MBNL1: variants seen among roughly 807,000 people sequenced by gnomAD.
The protein encoded by MBNL1 is muscleblind like splicing regulator 1.
A neutral mutation model predicts 42.2 loss-of-function variants in MBNL1; 8 were observed. That is an observed-to-expected ratio of 0.19 (90% CI 0.11 to 0.34). The LOEUF is 0.34. Ranked by LOEUF, MBNL1 falls within the 10% of genes least tolerant of loss-of-function variation. The pLI is 1.00. For missense variants in MBNL1, 309 were observed against 495.3 expected, an observed-to-expected ratio of 0.62 and a Z score of 3.57; for synonymous variants, 169 against 173.9, an observed-to-expected ratio of 0.97 and a Z score of 0.22.
At chr3:152,309,510 G>A (rs192412719) in intron 2 of MBNL1, among the ~76,000 whole-genome samples, 201 of 152,286 alleles carry the variant, frequency 1.3e-3, no homozygotes, top group Admixed American at 4.4e-3. Flanking sequence ...CTGGATCTCA[G>A]AATCACTTAT....
At chr3:152,356,856 A>AGTGTGTGTATGT (rs2095557052) in intron 2 of MBNL1, among the ~76,000 whole-genome samples, 1 of 149,382 alleles carries the variant, frequency 6.7e-6, no homozygotes, top group Admixed American at 6.7e-5. Flanking sequence ...ATATGTGTGT[A>AGTGTGTGTATGT]GTGTGTGTGT....
chr3:152,364,286 G>A (rs369347201), intron 2 of MBNL1, among the ~76,000 whole-genome samples: 4 of 152,046 alleles, frequency 2.6e-5, no homozygotes, highest in African/African-American at 9.7e-5. Context: ...TGTACACAAT[G>A]TAGCTATAGT....
chr3:152,375,211 A>G (rs898050837), intron 2 of MBNL1, among the ~76,000 whole-genome samples: 2 of 152,214 alleles, frequency 1.3e-5, no homozygotes, highest in Non-Finnish European at 2.9e-5. Flanking sequence ...GGGTTTGCCC[A>G]AAAGAAATTT....
chr3:152,305,732 G>T (rs778172920), intron 2 of MBNL1, among the ~76,000 whole-genome samples: 3 of 152,142 alleles, frequency 2.0e-5, no homozygotes, highest in Non-Finnish European at 4.4e-5. Context: ...AGATTATTAG[G>T]ATAGTAATTT....
At chr3:152,380,507 C>T (rs1177919036) in intron 2 of MBNL1, among the ~76,000 whole-genome samples, 2 of 151,814 alleles carry the variant, frequency 1.3e-5, no homozygotes, top group Non-Finnish European at 2.9e-5. Flanking sequence ...AGATGTAAGC[C>T]CCTAAAGAGG....
At chr3:152,403,329 C>T (rs1305264684) in intron 2 of MBNL1, among the ~76,000 whole-genome samples, 1 of 152,142 alleles carries the variant, frequency 6.6e-6, no homozygotes, top group Non-Finnish European at 1.5e-5. Context: ...GAACAGAGCA[C>T]CTTGTGATGA....
chr3:152,462,172 G>C (rs1000722977), intron 9 of MBNL1, among the ~76,000 whole-genome samples: 1 of 152,042 alleles, frequency 6.6e-6, no homozygotes, highest in African/African-American at 2.4e-5. Context: ...ACATTCTACA[G>C]TTTTATTAAA....
chr3:152,270,822 T>A (rs1576898032), intron 1 of MBNL1, among the ~76,000 whole-genome samples: 1 of 152,316 alleles, frequency 6.6e-6, no homozygotes, highest in South Asian at 2.1e-4. Flanking sequence ...TATTGTTAGG[T>A]CTTCTTTGAA....
At chr3:152,436,566 A>G (rs1367996391) in intron 4 of MBNL1, among the ~76,000 whole-genome samples, 1 of 152,160 alleles carries the variant, frequency 6.6e-6, no homozygotes, top group African/African-American at 2.4e-5. Flanking sequence ...CTTAATGCAT[A>G]ATTGTTGATT....
At chr3:152,282,096 C>G (rs2048837815) in intron 1 of MBNL1, among the ~76,000 whole-genome samples, 1 of 152,070 alleles carries the variant, frequency 6.6e-6, no homozygotes, top group South Asian at 2.1e-4. Context: ...CCAACTAATG[C>G]GTTAGTTGAC....
intron 3 of MBNL1, among the ~76,000 whole-genome samples, chr3:152,431,790 G>C (rs1220674455): frequency 6.6e-6 from 1 of 152,212 alleles, no homozygotes; most frequent in Admixed American, 6.5e-5. Flanking sequence ...AATAAGGTAT[G>C]AAATTGTGTT....
intron 2 of MBNL1, among the ~76,000 whole-genome samples, chr3:152,319,512 C>G (rs1387516553): frequency 2.0e-5 from 3 of 151,728 alleles, no homozygotes; most frequent in African/African-American, 7.2e-5. Context: ...GCATCATTGA[C>G]ACACCTGACA....
At chr3:152,410,906 G>C (rs1034472607) in intron 2 of MBNL1, among the ~76,000 whole-genome samples, 1 of 152,192 alleles carries the variant, frequency 6.6e-6, no homozygotes, top group South Asian at 2.1e-4. Flanking sequence ...TTTTTAGAGC[G>C]TTTAACAGAT....
chr3:152,264,468 T>A (rs1381205653), upstream of MBNL1: 3 of 152,114 alleles, frequency 2.0e-5, no homozygotes, highest in Non-Finnish European at 4.4e-5. Context: ...GGGAAACTGT[T>A]AGGCCTATTT....
In MBNL1 at chr3:152,384,932, G is replaced by A. The variant is rs547861514; in HGVS notation, c.175-30009G>A. On this transcript the variant is annotated intron_variant, in intron 2 of 9. Coordinates refer to ENST00000324210, the MANE Select transcript of MBNL1 (RefSeq NM_021038.5). ...TTGATTCCTCAATGGAAATGTTCCCGTAAAGCTTATTCAGATAATTATTAT... is the reference window on the plus strand; with the variant it reads ...TTGATTCCTCAATGGAAATGTTCCCATAAAGCTTATTCAGATAATTATTAT... Among the ~76,000 whole-genome samples the A allele has an allele frequency of 3.8e-4, 58 of 152,096 alleles. 1 individual carries two copies. Among genetic ancestry groups the A allele is most frequent in the African/African-American group, 1.2e-3 (51 of 41,538 alleles).
intron 2 of MBNL1, among the ~76,000 whole-genome samples, chr3:152,313,627 C>G (rs1301268126): frequency 6.6e-6 from 1 of 152,208 alleles, no homozygotes; most frequent in Non-Finnish European, 1.5e-5. Flanking sequence ...AGAGTTCAGT[C>G]TAAGTTATCT....
Position 152,299,530 on chromosome 3 carries a change from A to G in MBNL1, c.-664A>G, listed in dbSNP as rs2151469696. On this transcript the variant is annotated 5_prime_UTR_variant, in exon 2 of 10. Coordinates refer to ENST00000324210, the MANE Select transcript of MBNL1 (RefSeq NM_021038.5). ...GACAGCACATCCACCCTCCACCTCTAGCCCAGACACCCCCATTTCTACTTA... is the reference window on the plus strand; with the variant it reads ...GACAGCACATCCACCCTCCACCTCTGGCCCAGACACCCCCATTTCTACTTA... 2.5e-6 allele frequency: 1 copy of G among 393,214 alleles called. No homozygotes were observed. The highest frequency in any genetic ancestry group is 4.4e-5 in the Admixed American group (1 of 22,554). The allele number at this position is 393,214 out of a possible 1,614,324, so 24.4% of individuals were successfully genotyped here. A position where few individuals can be genotyped will look rare whatever the true frequency, so the allele number is the denominator to read the frequency against.
chr3:152,394,699 A>G lies in MBNL1; in HGVS notation c.175-20242A>G, dbSNP rs527719969. 5.0e-4 allele frequency among the ~76,000 whole-genome samples: 76 copies of G among 152,330 alleles called. 1 individual carries two copies. Among genetic ancestry groups the G allele is most frequent in the African/African-American group, 1.8e-3 (75 of 41,582 alleles). On this transcript the variant is annotated intron_variant, in intron 2 of 9. Coordinates refer to ENST00000324210, the MANE Select transcript of MBNL1 (RefSeq NM_021038.5). Reference sequence around the variant, plus strand: ...TGATAAATAAACACATAAATAAGCAACATAATTACAGGCATGACAAGTACT... The same window carrying G: ...TGATAAATAAACACATAAATAAGCAGCATAATTACAGGCATGACAAGTACT...
intron 2 of MBNL1, among the ~76,000 whole-genome samples, chr3:152,320,278 T>C (rs1394674972): frequency 6.6e-6 from 1 of 152,172 alleles, no homozygotes; most frequent in Non-Finnish European, 1.5e-5. Flanking sequence ...CATAAAATGT[T>C]TCTCTGCGGA....
Sources: allele counts gnomAD v4.1 joint callset (sites outside exome capture counted in the v4.1 genomes callset), GRCh38; gene constraint gnomAD v4.1.1; transcripts MANE v1.5; gene names NCBI Gene and HGNC (gene_info 2026-07-23, HGNC 2026-07-21).